SS18: variants seen among roughly 807,000 people sequenced by gnomAD.
The protein encoded by SS18 is protein SSXT.
SS18 carries 28 observed loss-of-function variants against 72.5 expected under a neutral mutation model. The observed-to-expected ratio is 0.39, with a 90% CI of 0.29 to 0.53. The LOEUF is 0.53. Ranked by LOEUF, SS18 falls within the 20% of genes least tolerant of loss-of-function variation. The probability of loss-of-function intolerance (pLI) is 0.76; values close to 1 mark genes in which losing one functional copy is unlikely to be tolerated. For synonymous variants in SS18, 172 were observed against 164.2 expected (o/e 1.05, Z -0.37); for missense variants, 518 against 535.3 (o/e 0.97, Z 0.32).
At chr18:26,042,497 T>C (rs1369012829) in intron 5 of SS18, among the ~76,000 whole-genome samples, 3 of 152,132 alleles carry the variant, frequency 2.0e-5, no homozygotes, top group Non-Finnish European at 2.9e-5. Flanking sequence ...GAGTTTTATA[T>C]TCTAATAGAT....
At chr18:26,037,281 C>T (rs1017663814) in intron 7 of SS18, among the ~76,000 whole-genome samples, 2 of 152,014 alleles carry the variant, frequency 1.3e-5, no homozygotes, top group African/African-American at 4.8e-5. Context: ...ACACATGTCA[C>T]ATTTCAAGAG....
intron 5 of SS18, among the ~76,000 whole-genome samples, chr18:26,049,954 C>A (rs2053892028): frequency 6.6e-6 from 1 of 152,182 alleles, no homozygotes; most frequent in South Asian, 2.1e-4. Flanking sequence ...AACAAATTAA[C>A]ATAAAAATTG....
chr18:26,054,507 G>C (rs2053980489), intron 4 of SS18, among the ~76,000 whole-genome samples: 1 of 152,018 alleles, frequency 6.6e-6, no homozygotes, highest in Admixed American at 6.6e-5. Flanking sequence ...AGAAGCCTAT[G>C]TTTCCATCCT....
chr18:26,032,578 C>T (rs765493479), intron 9 of SS18, 46 bp from the exon 10 acceptor site: 1 of 1,600,940 alleles, frequency 6.2e-7, no homozygotes, highest in South Asian at 1.1e-5. Flanking sequence ...AAGGTAAGTC[C>T]CTAGAACTCA....
chr18:26,065,037 T>C (rs2054188158), intron 3 of SS18, among the ~76,000 whole-genome samples: 1 of 152,068 alleles, frequency 6.6e-6, no homozygotes. Flanking sequence ...ATCTAACAAA[T>C]GTGCAATACC....
chr18:26,032,286 T>C (rs1293098065), intron 10 of SS18, 113 bp downstream of exon 10: 8 of 1,243,508 alleles, frequency 6.4e-6, no homozygotes, highest in Admixed American at 4.3e-5. Context: ...ACCATAAACA[T>C]TCCCTCATGA....
At chr18:26,038,460 A>G (rs1287927481) in intron 7 of SS18, 95 bp downstream of exon 7, 1 of 1,101,126 alleles carries the variant, frequency 9.1e-7, no homozygotes, top group East Asian at 2.4e-5. Flanking sequence ...ACAAATTGTT[A>G]GTTTCTTCGT....
At chr18:26,055,785 G>A (rs1381276051) in intron 4 of SS18, among the ~76,000 whole-genome samples, 2 of 140,078 alleles carry the variant, frequency 1.4e-5, no homozygotes, top group Non-Finnish European at 3.0e-5. Flanking sequence ...TTTTGATGGA[G>A]TCTCACTCTG....
chr18:26,035,567 C>T lies in SS18; in HGVS notation c.973+264G>A, dbSNP rs748622964. On this transcript the variant is annotated intron_variant, in intron 8 of 10. Transcript: ENST00000415083. This position sits in a 1 kb window ranked among gnomAD's most constrained non-coding sequence, Gnocchi z 4.4. Reference sequence around the variant, plus strand: ...AAAAAAAGTTTGATGGATTTATGTTCAAATAGAAAATTTCCACTGAGGAAA... The same window carrying T: ...AAAAAAAGTTTGATGGATTTATGTTTAAATAGAAAATTTCCACTGAGGAAA... 1 of 335,870 alleles carries T rather than the reference C, an allele frequency of 3.0e-6. No homozygotes were observed. The highest frequency in any genetic ancestry group is 5.4e-6 in the Non-Finnish European group (1 of 185,968). 20.8% of individuals were successfully genotyped at this position (335,870 alleles called of 1,614,324 possible).
In SS18 at chr18:26,035,364, G is replaced by A. The variant is rs1213258900; in HGVS notation, c.974-237C>T. 8.8e-6 allele frequency: 4 copies of A among 454,112 alleles called. No individual in the cohort carries two copies. The highest frequency in any genetic ancestry group is 1.6e-5 in the Non-Finnish European group (4 of 248,242). 28.1% of individuals were successfully genotyped at this position (454,112 alleles called of 1,614,324 possible). On this transcript the variant is annotated intron_variant, in intron 8 of 10. Transcript: ENST00000415083. This position sits in a 1 kb window ranked among gnomAD's most constrained non-coding sequence, Gnocchi z 4.4. ...AGCATTTTCAGCGTCTCTGCCATACGAGCATTACATTTACTGGAACATCAC... is the reference window on the plus strand; with the variant it reads ...AGCATTTTCAGCGTCTCTGCCATACAAGCATTACATTTACTGGAACATCAC...
At chr18:26,025,644 A>T (rs1244601561) in intron 10 of SS18, among the ~76,000 whole-genome samples, 2 of 152,160 alleles carry the variant, frequency 1.3e-5, no homozygotes, top group African/African-American at 4.8e-5. Context: ...TCAAGAAAAA[A>T]ATAGATAACC....
In SS18 at chr18:26,017,911, TCAC is replaced by T. The variant is rs111764881; in HGVS notation, c.*440_*442del. 436 of 237,232 alleles carry T rather than the reference TCAC, an allele frequency of 1.8e-3. 1 individual carries two copies. The highest frequency in any genetic ancestry group is 8.9e-3 in the Middle Eastern group (7 of 788). The allele number at this position is 237,232 out of a possible 1,614,324, so 14.7% of individuals were successfully genotyped here. A position where few individuals can be genotyped will look rare whatever the true frequency, so the allele number is the denominator to read the frequency against. On this transcript the variant is annotated 3_prime_UTR_variant, in exon 11 of 11. Coordinates refer to ENST00000415083, the MANE Select transcript of SS18 (RefSeq NM_001007559.3). ...GTGCGTAGTGTACCGCCTTGCATAT[TCAC>T]CACATGAAATAAACATAATATACAA...
At chr18:26,051,394 T>C (rs967609199) in intron 5 of SS18, among the ~76,000 whole-genome samples, 27 of 152,368 alleles carry the variant, frequency 1.8e-4, no homozygotes, top group African/African-American at 6.3e-4. Context: ...CATTGCTATA[T>C]GCATTATTTT....
intron 5 of SS18, among the ~76,000 whole-genome samples, chr18:26,046,266 T>G (rs903716050): frequency 1.5e-5 from 2 of 136,058 alleles, no homozygotes; most frequent in African/African-American, 7.2e-5. Flanking sequence ...AGTGTTTCAC[T>G]TCTTTGTAAA....
At position 26,017,674 on chromosome 18, in the gene SS18, T is replaced by C. The variant is rs1030242888; in HGVS notation, c.*680A>G. On this transcript the variant is annotated 3_prime_UTR_variant, in exon 11 of 11. Coordinates refer to ENST00000415083, the MANE Select transcript of SS18 (RefSeq NM_001007559.3). Reference sequence around the variant, plus strand: ...ACAAAACTGGAAGGCTTTTAAAAAATGTCTTTTTACTCAAAACTGTATCAC... The same window carrying C: ...ACAAAACTGGAAGGCTTTTAAAAAACGTCTTTTTACTCAAAACTGTATCAC... 5.2e-5 allele frequency: 11 copies of C among 211,864 alleles called. No individual in the cohort carries two copies. In the East Asian group the frequency reaches 7.1e-4, roughly 14 times the overall value. 13.1% of individuals were successfully genotyped at this position (211,864 alleles called of 1,614,324 possible).
intron 2 of SS18, among the ~76,000 whole-genome samples, chr18:26,084,349 G>A (rs2054580806): frequency 2.0e-5 from 3 of 152,164 alleles, no homozygotes; most frequent in Admixed American, 6.5e-5. Context: ...GATAGATTTA[G>A]TCATCATTTG....
intron 10 of SS18, among the ~76,000 whole-genome samples, chr18:26,031,639 G>T (rs1455114331): frequency 6.6e-6 from 1 of 152,086 alleles, no homozygotes; most frequent in Non-Finnish European, 1.5e-5. Context: ...GGAGTTTAAT[G>T]ACAAAAATAA....
intron 2 of SS18, 98 bp downstream of exon 2, chr18:26,087,403 T>C: frequency 1.4e-6 from 1 of 707,872 alleles, no homozygotes; most frequent in Non-Finnish European, 2.5e-6. Context: ...GTGAATTGTA[T>C]GGTATGTGAA....
At chr18:26,089,898 A>C (rs2054686242) in intron 1 of SS18, 2 of 152,386 alleles carry the variant, frequency 1.3e-5, no homozygotes, top group East Asian at 3.8e-4. Context: ...GCGGCGATGC[A>C]GAAGGGAAGA....
Sources: gnomAD v4.1 joint callset for allele counts (sites outside exome capture counted in the v4.1 genomes callset) on GRCh38, gnomAD v4.1.1 for gene constraint, Gnocchi (gnomAD v3.1) non-coding constraint, MANE v1.5 for transcripts, NCBI Gene and HGNC (gene_info 2026-07-23, HGNC 2026-07-21) for gene names.